Variants in CHRM2 observed in about 807,000 individuals in gnomAD.
The protein encoded by CHRM2 is cholinergic receptor muscarinic 2.
In CHRM2, 8 loss-of-function variants were observed where a neutral mutation model predicts 25.0. That is an observed-to-expected ratio of 0.32 (90% CI 0.19 to 0.58). CHRM2 has a LOEUF of 0.58. Among genes scored for constraint, CHRM2 ranks in the 20% least tolerant of loss-of-function variants. CHRM2 has a pLI of 0.88. For synonymous variants in CHRM2, 202 were observed against 205.7 expected, an observed-to-expected ratio of 0.98 and a Z score of 0.15; for missense variants, 440 against 567.1, an observed-to-expected ratio of 0.78 and a Z score of 2.28.
At chr7:136,883,899 C>A (rs1796360406) in intron 2 of CHRM2, among the ~76,000 whole-genome samples, 1 of 152,096 alleles carries the variant, frequency 6.6e-6, no homozygotes, top group African/African-American at 2.4e-5. Flanking sequence ...AGAATCAGTC[C>A]TGGTTCAATG....
intron 2 of CHRM2, among the ~76,000 whole-genome samples, chr7:136,990,001 T>C (rs1318168076): frequency 6.6e-6 from 1 of 152,120 alleles, no homozygotes; most frequent in Non-Finnish European, 1.5e-5. Context: ...TGCACTGCAG[T>C]TTCTGGCCTT....
At chr7:136,899,744 T>C (rs746886336) in intron 2 of CHRM2, 22 of 152,246 alleles carry the variant, frequency 1.4e-4, no homozygotes, top group Non-Finnish European at 2.6e-4. Context: ...ATATAGGATG[T>C]AGTAATCCAT....
intron 2 of CHRM2, among the ~76,000 whole-genome samples, chr7:136,874,044 A>C (rs915460250): frequency 5.3e-5 from 8 of 152,242 alleles, no homozygotes; most frequent in Non-Finnish European, 8.8e-5. Context: ...GATAGGAAGC[A>C]GATCAAGAGA....
intron 2 of CHRM2, among the ~76,000 whole-genome samples, chr7:136,916,028 A>G: frequency 6.6e-6 from 1 of 151,790 alleles, no homozygotes; most frequent in East Asian, 1.9e-4. Flanking sequence ...ATTCATAGGG[A>G]AAAGAATAAT....
intron 2 of CHRM2, among the ~76,000 whole-genome samples, chr7:136,913,956 C>A (rs964774085): frequency 6.6e-6 from 1 of 151,880 alleles, no homozygotes; most frequent in Non-Finnish European, 1.5e-5. Flanking sequence ...AGTGCCTTAC[C>A]CATTTGGTTA....
At chr7:136,936,852 A>G (rs1799438445) in intron 2 of CHRM2, among the ~76,000 whole-genome samples, 1 of 152,082 alleles carries the variant, frequency 6.6e-6, no homozygotes, top group South Asian at 2.1e-4. Context: ...TGCTTTCTTC[A>G]CTAGTTGAAA....
intron 2 of CHRM2, among the ~76,000 whole-genome samples, chr7:136,891,183 A>G (rs1334126270): frequency 1.3e-5 from 2 of 152,246 alleles, no homozygotes; most frequent in Non-Finnish European, 2.9e-5. Context: ...ATACTGAAAC[A>G]TTAACTAAAG....
chr7:137,018,301 A>C lies in CHRM2; in HGVS notation c.*2035A>C, dbSNP rs1404275181. On this transcript the variant is annotated 3_prime_UTR_variant, in exon 4 of 4. Coordinates refer to ENST00000680005, the MANE Select transcript of CHRM2 (RefSeq NM_001006630.2). The stretch of plus-strand genomic sequence containing the variant: ...CGTAAAAACAATTTCCTGTTTAAAT[A>C]ACTTCAGTCATTACCCCCCCAAAGT... 1 of 151,940 alleles carries C rather than the reference A, an allele frequency of 6.6e-6. No individual in the cohort carries two copies. Among genetic ancestry groups the C allele is most frequent in the Non-Finnish European group, 1.5e-5 (1 of 67,928 alleles). The allele number at this position is 151,940 out of a possible 1,614,324, so 9.4% of individuals were successfully genotyped here. A position where few individuals can be genotyped will look rare whatever the true frequency, so the allele number is the denominator to read the frequency against.
intron 3 of CHRM2, among the ~76,000 whole-genome samples, chr7:137,011,585 T>G (rs1804831616): frequency 6.6e-6 from 1 of 151,948 alleles, no homozygotes; most frequent in Non-Finnish European, 1.5e-5. Flanking sequence ...AAATTCCCCA[T>G]CTAGTCCATT....
intron 3 of CHRM2, 49 bp downstream of exon 3, chr7:136,992,313 A>G (rs1416487839): frequency 6.6e-6 from 1 of 152,214 alleles, no homozygotes; most frequent in African/African-American, 2.4e-5. Flanking sequence ...ATTTATAGAC[A>G]AAACATTAAG....
intron 2 of CHRM2, among the ~76,000 whole-genome samples, chr7:136,878,494 A>G (rs1359073958): frequency 6.6e-6 from 1 of 151,880 alleles, no homozygotes; most frequent in African/African-American, 2.4e-5. Flanking sequence ...TTATTTTAAA[A>G]TAAGCCTGAC....
chr7:137,007,585 G>C (rs1227312742), intron 3 of CHRM2, among the ~76,000 whole-genome samples: 1 of 151,870 alleles, frequency 6.6e-6, no homozygotes, highest in Admixed American at 6.6e-5. Flanking sequence ...CAGATTAAAA[G>C]AAAAAACAAA....
At chr7:136,970,110 C>A (rs759425264) in intron 2 of CHRM2, among the ~76,000 whole-genome samples, 52 of 152,186 alleles carry the variant, frequency 3.4e-4, no homozygotes, top group Middle Eastern at 3.4e-3. Flanking sequence ...TTCCAAATGC[C>A]CCATCTCAGA....
chr7:136,886,854 C>T (rs1459504670), intron 2 of CHRM2, among the ~76,000 whole-genome samples: 1 of 152,136 alleles, frequency 6.6e-6, no homozygotes, highest in East Asian at 1.9e-4. Flanking sequence ...CCCTGAGCAA[C>T]AGAGTGAGAC....
intron 3 of CHRM2, among the ~76,000 whole-genome samples, chr7:136,994,154 A>G (rs1803418623): frequency 6.6e-6 from 1 of 152,154 alleles, no homozygotes; most frequent in African/African-American, 2.4e-5. Context: ...CCTCCACATC[A>G]CAAACTGACA....
intron 2 of CHRM2, among the ~76,000 whole-genome samples, chr7:136,960,245 A>G (rs1246697379): frequency 6.6e-6 from 1 of 152,230 alleles, no homozygotes; most frequent in Non-Finnish European, 1.5e-5. Flanking sequence ...AACCATCCAC[A>G]TCATCTATAC....
intron 2 of CHRM2, among the ~76,000 whole-genome samples, chr7:136,910,861 A>G (rs1471921210): frequency 6.6e-6 from 1 of 151,246 alleles, no homozygotes; most frequent in Non-Finnish European, 1.5e-5. Flanking sequence ...GTGCCAAATG[A>G]AATCATTCAA....
At chr7:136,891,168 A>C (rs1199861267) in intron 2 of CHRM2, among the ~76,000 whole-genome samples, 2 of 152,238 alleles carry the variant, frequency 1.3e-5, no homozygotes, top group Admixed American at 6.5e-5. Flanking sequence ...TGACACAACA[A>C]ACCAATACTG....
At chr7:136,992,623 T>C (rs7785096) in intron 3 of CHRM2, among the ~76,000 whole-genome samples, 98,416 of 152,042 alleles carry the variant, frequency 0.65, 32,974 homozygotes, top group Non-Finnish European at 0.73. Flanking sequence ...CTGCCCTTAA[T>C]GATGAATTTC....
Sources: gnomAD v4.1 joint callset for allele counts (sites outside exome capture counted in the v4.1 genomes callset) on GRCh38, gnomAD v4.1.1 for gene constraint, MANE v1.5 for transcripts, NCBI Gene and HGNC (gene_info 2026-07-23, HGNC 2026-07-21) for gene names.